The following SLC39A9 variants were observed in gnomAD, a reference collection of about 807,000 sequenced individuals.
SLC39A9 encodes solute carrier family 39 member 9.
Under a neutral mutation model 28.4 loss-of-function variants are expected in SLC39A9, and 14 were observed. The observed-to-expected ratio is 0.49, with a 90% CI of 0.33 to 0.77. SLC39A9 has a LOEUF of 0.77. Among genes scored for constraint, SLC39A9 ranks in the 30% least tolerant of loss-of-function variants. The pLI is 0.02. For missense variants in SLC39A9, 283 were observed against 381.1 expected (o/e 0.74, Z 2.14); for synonymous variants, 119 against 149.6 (o/e 0.80, Z 1.49).
intron 6 of SLC39A9, among the ~76,000 whole-genome samples, chr14:69,457,119 C>CT (rs951472577): frequency 6.6e-5 from 10 of 151,924 alleles, no homozygotes; most frequent in African/African-American, 2.4e-4. Context: ...CATAGGTCTA[C>CT]TTTTTTAACA....
At chr14:69,418,983 G>T (rs1883735165) in intron 1 of SLC39A9, among the ~76,000 whole-genome samples, 1 of 152,068 alleles carries the variant, frequency 6.6e-6, no homozygotes, top group African/African-American at 2.4e-5. Flanking sequence ...TTTTTGAAGG[G>T]TTTTTTGCAT....
rs556268924 is a variant in SLC39A9, at chr14:69,432,477, G to T, written c.205+8275G>T. On this transcript the variant is annotated intron_variant, in intron 2 of 6. Transcript: ENST00000336643. Reference sequence around the variant, plus strand: ...TAAACCTTTGTCAGATGTGTAGTTTGTGAATAATTTCTCCTATTCTGTAGG... The same window carrying T: ...TAAACCTTTGTCAGATGTGTAGTTTTTGAATAATTTCTCCTATTCTGTAGG... 2.8e-4 allele frequency among the ~76,000 whole-genome samples: 43 copies of T among 152,186 alleles called. 1 individual carries two copies. The South Asian group carries it at 7.9e-3, about 28-fold the overall frequency.
rs539371448 is a variant in SLC39A9 at position 69,435,464 on chromosome 14, A to G, written c.206-6605A>G. ...TTAAAGTGGACTTCTTACAGATGGC[A>G]TATAGTTGTATCATTTTTTTTAAAC... On this transcript the variant is annotated intron_variant, in intron 2 of 6. Coordinates refer to ENST00000336643, the MANE Select transcript of SLC39A9 (RefSeq NM_018375.5). Among the ~76,000 whole-genome samples the G allele has an allele frequency of 3.9e-5, 6 of 152,276 alleles. No individual in the cohort carries two copies. In the East Asian group the frequency reaches 1.2e-3, roughly 29 times the overall value.
At chr14:69,412,950 T>G (rs995914116) in intron 1 of SLC39A9, among the ~76,000 whole-genome samples, 3 of 152,262 alleles carry the variant, frequency 2.0e-5, no homozygotes, top group African/African-American at 7.2e-5. Flanking sequence ...GGTCTCATCC[T>G]ACAAACTCAA....
chr14:69,431,951 C>T (rs753666230), intron 2 of SLC39A9, among the ~76,000 whole-genome samples: 1 of 152,130 alleles, frequency 6.6e-6, no homozygotes, highest in South Asian at 2.1e-4. Context: ...TTTCTTTATC[C>T]AGTCCACCGT....
At chr14:69,401,789 G>C (rs1200899680) in intron 1 of SLC39A9, among the ~76,000 whole-genome samples, 4 of 152,082 alleles carry the variant, frequency 2.6e-5, no homozygotes, top group African/African-American at 9.7e-5. Flanking sequence ...TTTATTATTA[G>C]AGTAGATGCA....
chr14:69,406,728 G>A (rs1882933615), intron 1 of SLC39A9, among the ~76,000 whole-genome samples: 1 of 150,904 alleles, frequency 6.6e-6, no homozygotes, highest in Non-Finnish European at 1.5e-5. Context: ...ATGAGTACTG[G>A]TATTTCTTAA....
At chr14:69,408,688 C>T (rs966697590) in intron 1 of SLC39A9, among the ~76,000 whole-genome samples, 1 of 152,170 alleles carries the variant, frequency 6.6e-6, no homozygotes, top group African/African-American at 2.4e-5. Flanking sequence ...GGCCAAACAA[C>T]CCATGTTTGT....
intron 2 of SLC39A9, among the ~76,000 whole-genome samples, chr14:69,438,859 A>G (rs1378602432): frequency 2.6e-5 from 4 of 152,220 alleles, no homozygotes; most frequent in Non-Finnish European, 5.9e-5. Flanking sequence ...CAGATTCTTT[A>G]TAGAGGTATG....
intron 1 of SLC39A9, among the ~76,000 whole-genome samples, chr14:69,402,119 G>A (rs915780746): frequency 1.3e-5 from 2 of 151,770 alleles, no homozygotes; most frequent in Admixed American, 6.6e-5. Context: ...GTTCACTTTC[G>A]TTTACATCAG....
intron 3 of SLC39A9, among the ~76,000 whole-genome samples, chr14:69,450,452 T>TA (rs1333576242): frequency 1.8e-4 from 28 of 151,910 alleles, no homozygotes; most frequent in Non-Finnish European, 2.8e-4. Context: ...AATGATTTTT[T>TA]AAAAAAAACC....
At chr14:69,417,418 C>G (rs1883636390) in intron 1 of SLC39A9, among the ~76,000 whole-genome samples, 1 of 152,188 alleles carries the variant, frequency 6.6e-6, no homozygotes, top group Admixed American at 6.5e-5. Context: ...ATGCCTCCAG[C>G]TTTGTTCTTT....
In SLC39A9 at chr14:69,459,839, C is replaced by G; in HGVS notation, c.*1246C>G. The stretch of plus-strand genomic sequence containing the variant: ...ATATTTGTGTGGGATGAATTCTTAT[C>G]AGGACAACCACTTCTCGAACTGTAA... On this transcript the variant is annotated 3_prime_UTR_variant, in exon 7 of 7. Coordinates refer to ENST00000336643, the MANE Select transcript of SLC39A9 (RefSeq NM_018375.5). 1.0e-6 allele frequency: 1 copy of G among 985,310 alleles called. No individual in the cohort carries two copies. The highest frequency in any genetic ancestry group is 1.2e-6 in the Non-Finnish European group (1 of 829,872). The allele number at this position is 985,310 out of a possible 1,614,324, so 61.0% of individuals were successfully genotyped here. A position where few individuals can be genotyped will look rare whatever the true frequency, so the allele number is the denominator to read the frequency against.
chr14:69,425,111 G>A (rs1187202075), intron 2 of SLC39A9, among the ~76,000 whole-genome samples: 1 of 152,212 alleles, frequency 6.6e-6, no homozygotes, highest in Non-Finnish European at 1.5e-5. Context: ...GGAGTGGTCA[G>A]CTGCATTGGG....
chr14:69,440,292 A>G (rs997071285), intron 2 of SLC39A9, among the ~76,000 whole-genome samples: 2 of 152,052 alleles, frequency 1.3e-5, no homozygotes, highest in South Asian at 2.1e-4. Context: ...TCTCAAAAAC[A>G]TAAGAATAGT....
At chr14:69,449,976 AG>A (rs1175849578) in intron 3 of SLC39A9, among the ~76,000 whole-genome samples, 3 of 151,918 alleles carry the variant, frequency 2.0e-5, no homozygotes, top group Admixed American at 6.6e-5. Flanking sequence ...TCATGAGGTC[AG>A]GGGTTCGAGA....
At chr14:69,452,152 A>G (rs910855396) in intron 3 of SLC39A9, among the ~76,000 whole-genome samples, 3 of 152,212 alleles carry the variant, frequency 2.0e-5, no homozygotes, top group African/African-American at 4.8e-5. Flanking sequence ...AAAGGAGAAT[A>G]AGAAGGTTTT....
intron 1 of SLC39A9, 96 bp downstream of exon 1, chr14:69,399,561 G>C: frequency 1.1e-6 from 1 of 876,474 alleles, no homozygotes; most frequent in Non-Finnish European, 1.8e-6. Context: ...AAATCTCAAA[G>C]CTGAAGGTCT....
chr14:69,411,403 T>C (rs1459866949), intron 1 of SLC39A9, among the ~76,000 whole-genome samples: 3 of 152,144 alleles, frequency 2.0e-5, no homozygotes, highest in African/African-American at 7.2e-5. Context: ...TTTTAATTAA[T>C]GTATCTAGCA....
Sources: allele counts gnomAD v4.1 joint callset (sites outside exome capture counted in the v4.1 genomes callset), GRCh38; gene constraint gnomAD v4.1.1; transcripts MANE v1.5; gene names NCBI Gene and HGNC (gene_info 2026-07-23, HGNC 2026-07-21).